VWA3B: variants seen among roughly 807,000 people sequenced by gnomAD.
VWA3B encodes the protein von Willebrand factor A domain-containing protein 3B.
VWA3B carries 138 observed loss-of-function variants against 158.3 expected under a neutral mutation model. The ratio of observed to expected loss-of-function variants is 0.87; its 90% CI spans 0.76 to 1.00. VWA3B has a LOEUF of 1.00. Among genes scored for constraint, VWA3B ranks in the 50% least tolerant of loss-of-function variants. The probability of loss-of-function intolerance (pLI) is 0.00; values close to 1 mark genes in which losing one functional copy is unlikely to be tolerated. For missense variants in VWA3B, 1,555 were observed against 1,565.1 expected (o/e 0.99, Z 0.11); for synonymous variants, 596 against 587.3 (o/e 1.01, Z -0.21).
At chr2:98,280,023 A>G (rs1346003984) in intron 22 of VWA3B, among the ~76,000 whole-genome samples, 2 of 152,236 alleles carry the variant, frequency 1.3e-5, no homozygotes, top group African/African-American at 4.8e-5. Context: ...GTAGTGGTTC[A>G]TACGTCAAGG....
chr2:98,165,437 A>T (rs573767985), intron 8 of VWA3B, among the ~76,000 whole-genome samples: 1 of 152,162 alleles, frequency 6.6e-6, no homozygotes, highest in Non-Finnish European at 1.5e-5. Flanking sequence ...TCCCTATGGG[A>T]TGACATTGGG....
intron 2 of VWA3B, among the ~76,000 whole-genome samples, chr2:98,104,691 A>G (rs1238545960): frequency 1.3e-5 from 2 of 152,054 alleles, no homozygotes; most frequent in Non-Finnish European, 2.9e-5. Flanking sequence ...CCATGTTACT[A>G]TTTGCTTTCT....
intron 23 of VWA3B, 40 bp from the exon 24 acceptor site, chr2:98,297,867 A>G (rs753639877): frequency 1.4e-6 from 2 of 1,455,284 alleles, no homozygotes; most frequent in Non-Finnish European, 9.1e-7. Flanking sequence ...AAGGGATGTT[A>G]TTTGTCTTTA....
At chr2:98,193,140 A>C (rs1681742574) in intron 11 of VWA3B, 104 bp downstream of exon 11, 1 of 1,417,014 alleles carries the variant, frequency 7.1e-7, no homozygotes, top group African/African-American at 1.4e-5. Flanking sequence ...AGAAAGCCAA[A>C]TTCAGAGAAG....
intron 8 of VWA3B, among the ~76,000 whole-genome samples, chr2:98,164,284 A>G (rs775985688): frequency 6.6e-6 from 1 of 152,202 alleles, no homozygotes; most frequent in Admixed American, 6.5e-5. Context: ...TTAAAAAGAA[A>G]TTATTAAAAT....
intron 19 of VWA3B, 171 bp downstream of exon 19, chr2:98,236,901 C>A (rs13033263): frequency 0.62 from 578,895 of 941,048 alleles, 180,624 homozygotes; most frequent in South Asian, 0.83. Flanking sequence ...AGAATTTGGG[C>A]GCGGTGGCGC....
intron 23 of VWA3B, among the ~76,000 whole-genome samples, chr2:98,294,825 C>A (rs560961457): frequency 6.6e-6 from 1 of 152,350 alleles, no homozygotes; most frequent in East Asian, 1.9e-4. Flanking sequence ...CTTGCCTCTG[C>A]TGGCCACACG....
intron 8 of VWA3B, among the ~76,000 whole-genome samples, chr2:98,163,811 G>A (rs189711208): frequency 1.3e-5 from 2 of 152,248 alleles, no homozygotes; most frequent in Admixed American, 1.3e-4. Context: ...GGGGACGGTG[G>A]GAACGAGGAT....
chr2:98,200,396 G>A (rs1202604635), intron 12 of VWA3B, among the ~76,000 whole-genome samples: 1 of 152,062 alleles, frequency 6.6e-6, no homozygotes, highest in East Asian at 1.9e-4. Flanking sequence ...CAAAAAATAA[G>A]CCAGGCGTGG....
intron 2 of VWA3B, among the ~76,000 whole-genome samples, chr2:98,101,663 G>A (rs1559532699): frequency 6.6e-6 from 1 of 152,144 alleles, no homozygotes; most frequent in Admixed American, 6.5e-5. Flanking sequence ...AAATGGCAAG[G>A]CCTTGTTCTT....
intron 8 of VWA3B, among the ~76,000 whole-genome samples, chr2:98,166,559 G>T (rs1357674084): frequency 6.6e-6 from 1 of 152,094 alleles, no homozygotes; most frequent in Non-Finnish European, 1.5e-5. Flanking sequence ...AGCGTTGCTG[G>T]CACCTTCATC....
chr2:98,115,582 T>C (rs1674469257), intron 2 of VWA3B, 70 bp from the exon 3 acceptor site: 1 of 1,206,550 alleles, frequency 8.3e-7, no homozygotes, highest in African/African-American at 1.5e-5. Flanking sequence ...GAGAAAAACA[T>C]TTCAAAATAA....
chr2:98,113,544 T>C (rs1243155058), intron 2 of VWA3B, among the ~76,000 whole-genome samples: 1 of 152,182 alleles, frequency 6.6e-6, no homozygotes, highest in Non-Finnish European at 1.5e-5. Flanking sequence ...CTTATAAAAA[T>C]TGATACTATA....
intron 2 of VWA3B, among the ~76,000 whole-genome samples, chr2:98,104,113 ATG>A (rs1387666446): frequency 2.6e-5 from 4 of 152,234 alleles, no homozygotes; most frequent in Non-Finnish European, 5.9e-5. Context: ...AGGGCTTCTC[ATG>A]GACAGCATAT....
intron 9 of VWA3B, among the ~76,000 whole-genome samples, chr2:98,186,063 T>C (rs1035323500): frequency 2.0e-5 from 3 of 152,028 alleles, no homozygotes; most frequent in Admixed American, 2.0e-4. Flanking sequence ...ACCCACGTTT[T>C]GCAGGGATCT....
chr2:98,113,142 A>G (rs1674274554), intron 2 of VWA3B, among the ~76,000 whole-genome samples: 1 of 151,916 alleles, frequency 6.6e-6, no homozygotes, highest in African/African-American at 2.4e-5. Context: ...ATTTCAGGGT[A>G]GGTTTTATTG....
At chr2:98,259,559 T>G (rs1012136521) in intron 21 of VWA3B, among the ~76,000 whole-genome samples, 1 of 151,772 alleles carries the variant, frequency 6.6e-6, no homozygotes, top group Non-Finnish European at 1.5e-5. Flanking sequence ...CTATAATTAT[T>G]TTTATTTTTG....
At chr2:98,182,578 T>C (rs1261950829) in intron 9 of VWA3B, among the ~76,000 whole-genome samples, 2 of 152,234 alleles carry the variant, frequency 1.3e-5, no homozygotes, top group African/African-American at 4.8e-5. Flanking sequence ...TCTGGTTTTG[T>C]AGACATTATT....
intron 3 of VWA3B, among the ~76,000 whole-genome samples, chr2:98,118,989 G>C (rs1334912369): frequency 2.6e-5 from 4 of 152,176 alleles, no homozygotes; most frequent in Non-Finnish European, 5.9e-5. Flanking sequence ...AGGTGGTCCA[G>C]GTGCAGGAGA....
Sources: gnomAD v4.1 joint callset for allele counts (sites outside exome capture counted in the v4.1 genomes callset) on GRCh38, gnomAD v4.1.1 for gene constraint, MANE v1.5 for transcripts, NCBI Gene and HGNC (gene_info 2026-07-23, HGNC 2026-07-21) for gene names.